The following GASK1B variants were observed in gnomAD, a reference collection of about 807,000 sequenced individuals.
GASK1B encodes Golgi-associated kinase 1B.
In GASK1B, 34 loss-of-function variants were observed where a neutral mutation model predicts 42.8. The ratio of observed to expected loss-of-function variants is 0.79; its 90% CI spans 0.60 to 1.06. The LOEUF is 1.06. GASK1B is among the 50% of genes least tolerant of loss of function. The pLI is 0.00. For synonymous variants in GASK1B, 262 were observed against 259.1 expected, an observed-to-expected ratio of 1.01 and a Z score of -0.11; for missense variants, 686 against 661.0, an observed-to-expected ratio of 1.04 and a Z score of -0.42.
intron 2 of GASK1B, among the ~76,000 whole-genome samples, chr4:158,165,513 A>G (rs919090295): frequency 6.6e-6 from 1 of 152,224 alleles, no homozygotes. Flanking sequence ...CTTGGTTTGC[A>G]TTAAAAAAAC....
chr4:158,130,925 C>A lies in GASK1B; in HGVS notation c.1213G>T (p.Asp405Tyr), dbSNP rs768114478. 3.7e-6 allele frequency: 6 copies of A among 1,613,996 alleles called. No individual in the cohort carries two copies. Among genetic ancestry groups the A allele is most frequent in the Non-Finnish European group, 5.1e-6 (6 of 1,179,986 alleles). ...CVQNGLRPKC[D>Y]DQGSAALAHI... ...GCTAGAGCCGCAGAACCTTGGTCAT[C>A]ACATTTTGGCCTCAATCCATTCTGT... Residue 405 changes from aspartate (D) to tyrosine (Y), a missense_variant, in exon 4 of 5, where the codon GAT becomes TAT. Physicochemically the swap from Asp to Tyr is radical, Grantham distance 160. Transcript: ENST00000585682.
intron 3 of GASK1B, among the ~76,000 whole-genome samples, chr4:158,137,805 C>G (rs771611286): frequency 6.6e-6 from 1 of 152,142 alleles, no homozygotes; most frequent in Non-Finnish European, 1.5e-5. Flanking sequence ...TCTCTGCTGC[C>G]ATGACAACAG....
intron 3 of GASK1B, among the ~76,000 whole-genome samples, chr4:158,154,931 C>T (rs899450716): frequency 2.6e-5 from 4 of 152,066 alleles, no homozygotes; most frequent in African/African-American, 9.7e-5. Context: ...GATGGGTACA[C>T]CAAAACCTCA....
intron 2 of GASK1B, 39 bp from the exon 3 acceptor site, chr4:158,155,864 A>G (rs373202952): frequency 3.3e-4 from 514 of 1,569,628 alleles, no homozygotes; most frequent in Admixed American, 6.0e-4. Flanking sequence ...TCAGCACACT[A>G]TTGACTCAGG....
At chr4:158,151,415 C>A (rs1185845109) in intron 3 of GASK1B, among the ~76,000 whole-genome samples, 1 of 152,204 alleles carries the variant, frequency 6.6e-6, no homozygotes, top group Non-Finnish European at 1.5e-5. Flanking sequence ...CCAGCTCCAG[C>A]CTTCAGTGGT....
At chr4:158,142,229 C>A (rs1033254030) in intron 3 of GASK1B, among the ~76,000 whole-genome samples, 5 of 152,130 alleles carry the variant, frequency 3.3e-5, no homozygotes, top group African/African-American at 1.2e-4. Flanking sequence ...CAGGCGTGAG[C>A]CACCGCGCCC....
intron 3 of GASK1B, among the ~76,000 whole-genome samples, chr4:158,139,834 T>C (rs917046296): frequency 6.6e-5 from 10 of 152,174 alleles, no homozygotes; most frequent in African/African-American, 2.4e-4. Flanking sequence ...AGCTCACAAT[T>C]CAAACAATTA....
At chr4:158,132,524 T>G (rs1216887959) in intron 3 of GASK1B, among the ~76,000 whole-genome samples, 1 of 152,180 alleles carries the variant, frequency 6.6e-6, no homozygotes, top group Non-Finnish European at 1.5e-5. Context: ...AAAATTGAAA[T>G]GGTTATTTAG....
At chr4:158,150,849 C>T (rs1731529562) in intron 3 of GASK1B, among the ~76,000 whole-genome samples, 2 of 152,190 alleles carry the variant, frequency 1.3e-5, no homozygotes, top group African/African-American at 4.8e-5. Context: ...GTCTTACTCC[C>T]CAGTTCAGTC....
At chr4:158,134,403 AG>A (rs1425249457) in intron 3 of GASK1B, among the ~76,000 whole-genome samples, 1 of 152,174 alleles carries the variant, frequency 6.6e-6, no homozygotes, top group East Asian at 1.9e-4. Context: ...GTGTCTGCGT[AG>A]GTAACTATCC....
chr4:158,160,804 G>T (rs1409591155), intron 2 of GASK1B, among the ~76,000 whole-genome samples: 1 of 152,126 alleles, frequency 6.6e-6, no homozygotes, highest in African/African-American at 2.4e-5. Context: ...CCTGTCATTT[G>T]TGACAACATG....
intron 3 of GASK1B, among the ~76,000 whole-genome samples, chr4:158,153,727 A>G (rs1378508453): frequency 6.6e-6 from 1 of 152,202 alleles, no homozygotes; most frequent in Non-Finnish European, 1.5e-5. Context: ...CTGATCTTCG[A>G]CAAAGCAAAC....
chr4:158,153,728 C>A (rs1021148508), intron 3 of GASK1B, among the ~76,000 whole-genome samples: 1 of 152,080 alleles, frequency 6.6e-6, no homozygotes, highest in Non-Finnish European at 1.5e-5. Context: ...TGATCTTCGA[C>A]AAAGCAAACA....
chr4:158,150,116 G>A (rs986311602), intron 3 of GASK1B, among the ~76,000 whole-genome samples: 1 of 151,524 alleles, frequency 6.6e-6, no homozygotes, highest in East Asian at 1.9e-4. Flanking sequence ...TAGTAGAGAC[G>A]GGGTTTCACC....
chr4:158,150,170 C>T (rs1251333119), intron 3 of GASK1B, among the ~76,000 whole-genome samples: 1 of 152,012 alleles, frequency 6.6e-6, no homozygotes, highest in Admixed American at 6.6e-5. Flanking sequence ...CGTGATCTGC[C>T]CGCCTCGGCC....
Position 158,170,730 on chromosome 4 carries a change from G to C in GASK1B, c.646C>G (p.Leu216Val). ...RIYSESAPSW[L>V]SKDDIRRMRL... is the part of the protein sequence containing the mutation. ...ATTCTTCGGATGTCATCTTTGCTCAGCCAGGAGGGGGCGCTCTCGCTGTAG... is the reference window on the plus strand; with the variant it reads ...ATTCTTCGGATGTCATCTTTGCTCACCCAGGAGGGGGCGCTCTCGCTGTAG... The change falls in exon 2 of 5, where the codon CTG becomes GTG. Residue 216 changes from leucine to valine, a missense_variant. Transcript: ENST00000585682. 2 of 1,614,250 alleles carry C rather than the reference G, an allele frequency of 1.2e-6. No individual in the cohort carries two copies. The highest frequency in any genetic ancestry group is 2.2e-5 in the East Asian group (1 of 44,878).
Position 158,138,599 on chromosome 4 carries a change from G to A in GASK1B, c.1126-7587C>T, listed in dbSNP as rs538790140. Among the ~76,000 whole-genome samples, 76 of 151,994 alleles carry A rather than the reference G, an allele frequency of 5.0e-4. 1 individual carries two copies. Among genetic ancestry groups the A allele is most frequent in the Non-Finnish European group, 7.2e-4 (49 of 67,942 alleles). On this transcript the variant is annotated intron_variant, in intron 3 of 4. Coordinates refer to ENST00000585682, the MANE Select transcript of GASK1B (RefSeq NM_001128424.2). The stretch of plus-strand genomic sequence containing the variant: ...AAAACCTTCTTTTGCTTAACTTGAT[G>A]TGTATTACTTTTATTATTAATATAG...
chr4:158,138,938 A>G (rs1303549493), intron 3 of GASK1B, among the ~76,000 whole-genome samples: 3 of 152,208 alleles, frequency 2.0e-5, no homozygotes, highest in Non-Finnish European at 4.4e-5. Flanking sequence ...ATGTTTCTAT[A>G]CTTCTTGGGT....
Position 158,171,418 on chromosome 4 carries a change from A to C in GASK1B, c.-43T>G, listed in dbSNP as rs1264630140. 6.6e-7 allele frequency: 1 copy of C among 1,512,922 alleles called. No homozygotes were observed. The highest frequency in any genetic ancestry group is 8.9e-7 in the Non-Finnish European group (1 of 1,129,210). The allele number at this position is 1,512,922 out of a possible 1,614,324, so 93.7% of individuals were successfully genotyped here. ...ATGTTGAACGGAGTTTAAAGTCTGC[A>C]GTTGGCTCCTGCTAATGTGATGCAT... On this transcript the variant is annotated 5_prime_UTR_variant, in exon 2 of 5. Coordinates refer to ENST00000585682, the MANE Select transcript of GASK1B (RefSeq NM_001128424.2).
Sources: gnomAD v4.1 joint callset for allele counts (sites outside exome capture counted in the v4.1 genomes callset) on GRCh38, gnomAD v4.1.1 for gene constraint, MANE v1.5 for transcripts, NCBI Gene and HGNC (gene_info 2026-07-23, HGNC 2026-07-21) for gene names.